SETD2: variants seen among roughly 807,000 people sequenced by gnomAD.
The protein encoded by SETD2 is SET domain containing 2, histone lysine methyltransferase.
In SETD2, 31 loss-of-function variants were observed where a neutral mutation model predicts 242.1. The ratio of observed to expected loss-of-function variants is 0.13; its 90% CI spans 0.10 to 0.17. The LOEUF is 0.17. Ranked by LOEUF, SETD2 falls within the 10% of genes least tolerant of loss-of-function variation. The pLI is 1.00. For missense variants in SETD2, 2,481 were observed against 3,046.3 expected, an observed-to-expected ratio of 0.81 and a Z score of 4.37; for synonymous variants, 1,006 against 1,066.5, an observed-to-expected ratio of 0.94 and a Z score of 1.11.
intron 9 of SETD2, among the ~76,000 whole-genome samples, chr3:47,089,480 C>A (rs1190745812): frequency 6.6e-6 from 1 of 152,074 alleles, no homozygotes; most frequent in East Asian, 1.9e-4. Flanking sequence ...CCAAAATGTA[C>A]AACAGTGGTA....
intron 9 of SETD2, among the ~76,000 whole-genome samples, chr3:47,090,173 C>G (rs373853749): frequency 2.6e-4 from 40 of 151,854 alleles, no homozygotes; most frequent in Non-Finnish European, 4.7e-4. Context: ...CTTGAACCCA[C>G]GAGGTGGAGG....
At chr3:47,103,554 G>A in intron 6 of SETD2, 131 bp from the exon 7 acceptor site, 1 of 653,860 alleles carries the variant, frequency 1.5e-6, no homozygotes, top group Non-Finnish European at 2.6e-6. Context: ...AACCAGTTAA[G>A]GTAGGGCAGT....
rs189117668 is a variant in SETD2 at position 47,024,467 on chromosome 3, G to A, written c.7351-4627C>T. On this transcript the variant is annotated intron_variant, in intron 18 of 20. Coordinates refer to ENST00000409792, the MANE Select transcript of SETD2 (RefSeq NM_014159.7). ...AGCCTGGGCGACAGAGTGAGACTCC[G>A]TCTCAAATAAACAAATAAACAAACA... Among the ~76,000 whole-genome samples the A allele has an allele frequency of 5.1e-3, 777 of 152,180 alleles. 5 individuals are homozygous for A. Among genetic ancestry groups the A allele is most frequent in the South Asian group, 0.011 (51 of 4,810 alleles).
intron 9 of SETD2, 107 bp from the exon 10 acceptor site, chr3:47,088,354 T>C: frequency 1.8e-6 from 2 of 1,095,016 alleles, no homozygotes; most frequent in Non-Finnish European, 2.6e-6. Context: ...AAAACACAAA[T>C]GAAGACCAAA....
At chr3:47,036,828 G>C (rs967994688) in intron 18 of SETD2, among the ~76,000 whole-genome samples, 23 of 147,908 alleles carry the variant, frequency 1.6e-4, no homozygotes, top group African/African-American at 5.3e-4. Flanking sequence ...CTTGAACCCA[G>C]GAGGCAGAGG....
At chr3:47,116,900 G>A (rs929727368) in intron 3 of SETD2, 146 bp from the exon 4 acceptor site, 1 of 575,452 alleles carries the variant, frequency 1.7e-6, no homozygotes, top group African/African-American at 1.9e-5. Context: ...CCAGGGTGCA[G>A]TGATGCGATC....
chr3:47,026,320 GT>G (rs1446864830), intron 18 of SETD2, among the ~76,000 whole-genome samples: 1 of 152,194 alleles, frequency 6.6e-6, no homozygotes, highest in African/African-American at 2.4e-5. Flanking sequence ...CACCGGAGAG[GT>G]TGTGGAAAAT....
intron 15 of SETD2, among the ~76,000 whole-genome samples, chr3:47,052,662 C>CA (rs2039898219): frequency 2.0e-5 from 3 of 151,902 alleles, no homozygotes; most frequent in African/African-American, 7.2e-5. Flanking sequence ...ACTAAAAATA[C>CA]AAAAAATTAG....
intron 18 of SETD2, among the ~76,000 whole-genome samples, chr3:47,032,100 T>C (rs1183484716): frequency 3.3e-5 from 5 of 152,174 alleles, no homozygotes; most frequent in Non-Finnish European, 7.3e-5. Context: ...CAGAGGCATG[T>C]AATGTTTTCA....
chr3:47,030,694 A>C (rs937725760), intron 18 of SETD2, among the ~76,000 whole-genome samples: 1 of 152,206 alleles, frequency 6.6e-6, no homozygotes, highest in Admixed American at 6.5e-5. Flanking sequence ...TATTTTTATT[A>C]GAAACTATTA....
At chr3:47,056,418 C>T (rs902702206) in intron 15 of SETD2, among the ~76,000 whole-genome samples, 5 of 152,092 alleles carry the variant, frequency 3.3e-5, no homozygotes, top group East Asian at 1.9e-4. Context: ...TGAGCTACCA[C>T]GCCTGGCCTG....
rs1218894136 is a variant in SETD2 at position 47,121,993 on chromosome 3, T to C, written c.2643A>G (p.Ser881=). ...YQPIGSSGIA[S]SLQSLPPGIK... is the part of the protein sequence containing the mutation. Reference sequence around the variant, plus strand: ...TTCCTGGTGGAAGACTCTGAAGAGATGAAGCAATACCTGAACTCCCAATAG... The same window carrying C: ...TTCCTGGTGGAAGACTCTGAAGAGACGAAGCAATACCTGAACTCCCAATAG... The change falls in exon 3 of 21, where the codon TCA becomes TCG. Residue 881 remains serine, a synonymous_variant. Transcript: ENST00000409792. The C allele has an allele frequency of 6.2e-7, 1 of 1,613,886 alleles. No homozygotes were observed. The highest frequency in any genetic ancestry group is 8.5e-7 in the Non-Finnish European group (1 of 1,180,004).
chr3:47,145,440 G>A, intron 1 of SETD2: 1 of 355,690 alleles, frequency 2.8e-6, no homozygotes, highest in Non-Finnish European at 5.9e-6. Flanking sequence ...GCCCAGGCTG[G>A]AGCAAGTACA....
At chr3:47,033,493 G>C (rs1405150111) in intron 18 of SETD2, among the ~76,000 whole-genome samples, 6 of 152,096 alleles carry the variant, frequency 3.9e-5, no homozygotes, top group Admixed American at 3.9e-4. Flanking sequence ...TGAAGCCTAG[G>C]GGAATGTGTG....
In SETD2 at chr3:47,098,016, C is replaced by T. The variant is rs1282194544; in HGVS notation, c.5081G>A (p.Arg1694Lys). ...CCCTCCTGCTGCTCTGATGCTGACTCTGTTTTCTCCTCCCAGGTAACCCCG... is the reference window on the plus strand; with the variant it reads ...CCCTCCTGCTGCTCTGATGCTGACTTTGTTTTCTCCTCCCAGGTAACCCCG... The part of the protein sequence containing the change: ...NCRGYLGGEN[R>K]VSIRAAGGKM... The change falls in exon 9 of 21, where the codon AGA becomes AAA. Residue 1694 changes from arginine to lysine, a missense_variant. Physicochemically the swap from Arg to Lys is conservative, Grantham distance 26 (BLOSUM62 2). Transcript: ENST00000409792. The T allele has an allele frequency of 6.2e-7, 1 of 1,613,966 alleles. No individual in the cohort carries two copies. Among genetic ancestry groups the T allele is most frequent in the Non-Finnish European group, 8.5e-7 (1 of 1,179,956 alleles).
intron 14 of SETD2, among the ~76,000 whole-genome samples, chr3:47,061,591 C>T (rs572295245): frequency 6.8e-4 from 104 of 151,962 alleles, no homozygotes; most frequent in African/African-American, 2.5e-3. Flanking sequence ...CATTACATAC[C>T]GAGATACTTT....
intron 16 of SETD2, among the ~76,000 whole-genome samples, chr3:47,043,448 G>A (rs1432720959): frequency 6.6e-6 from 1 of 152,174 alleles, no homozygotes; most frequent in African/African-American, 2.4e-5. Context: ...CAACACTGCT[G>A]ACACCTTGAT....
intron 18 of SETD2, among the ~76,000 whole-genome samples, chr3:47,034,149 T>C (rs1054160294): frequency 2.0e-5 from 3 of 152,194 alleles, no homozygotes; most frequent in African/African-American, 7.2e-5. Flanking sequence ...CTCTCATTAT[T>C]ATTTGCGGAT....
At chr3:47,114,815 G>A (rs548098351) in intron 4 of SETD2, among the ~76,000 whole-genome samples, 1 of 148,530 alleles carries the variant, frequency 6.7e-6, no homozygotes, top group South Asian at 2.2e-4. Flanking sequence ...GGAGGCAGAG[G>A]TTGTAGTGAG....
Sources: gnomAD v4.1 joint callset for allele counts (sites outside exome capture counted in the v4.1 genomes callset) on GRCh38, gnomAD v4.1.1 for gene constraint, MANE v1.5 for transcripts, NCBI Gene and HGNC (gene_info 2026-07-23, HGNC 2026-07-21) for gene names.